The following WAC variants were observed in gnomAD, a reference collection of about 807,000 sequenced individuals.
WAC encodes the protein WW domain containing adaptor with coiled-coil, also known as WW domain-containing adapter protein with coiled-coil.
Under a neutral mutation model 79.6 loss-of-function variants are expected in WAC, and 11 were observed. The ratio of observed to expected loss-of-function variants is 0.14; its 90% CI spans 0.09 to 0.23. WAC has a LOEUF of 0.23. Among genes scored for constraint, WAC ranks in the 10% least tolerant of loss-of-function variants. The pLI, the probability that WAC is intolerant of heterozygous loss-of-function variation, is 1.00. For synonymous variants in WAC, 304 were observed against 276.9 expected, an observed-to-expected ratio of 1.10 and a Z score of -0.97; for missense variants, 728 against 773.5, an observed-to-expected ratio of 0.94 and a Z score of 0.70.
At chr10:28,555,257 CGTT>C (rs528101471) in intron 3 of WAC, among the ~76,000 whole-genome samples, 63 of 152,284 alleles carry the variant, frequency 4.1e-4, no homozygotes, top group African/African-American at 1.4e-3. Flanking sequence ...AGGCCCTACA[CGTT>C]GTTAACTCCT....
intron 4 of WAC, among the ~76,000 whole-genome samples, chr10:28,587,072 G>A (rs1306243888): frequency 6.6e-6 from 1 of 152,074 alleles, no homozygotes; most frequent in Non-Finnish European, 1.5e-5. Flanking sequence ...AACCAGCCTG[G>A]GCAGTATAAC....
At chr10:28,563,878 C>T (rs1263261863) in intron 3 of WAC, among the ~76,000 whole-genome samples, 2 of 150,470 alleles carry the variant, frequency 1.3e-5, no homozygotes, top group African/African-American at 4.9e-5. Context: ...GAATTAAAAG[C>T]GTGAGCCACT....
chr10:28,594,005 G>C (rs926310953), intron 6 of WAC, among the ~76,000 whole-genome samples: 1 of 152,058 alleles, frequency 6.6e-6, no homozygotes, highest in African/African-American at 2.4e-5. Context: ...CTCCTCACTA[G>C]ATGCCAGTAG....
chr10:28,569,724 T>C (rs574760554), intron 3 of WAC, among the ~76,000 whole-genome samples: 1 of 152,276 alleles, frequency 6.6e-6, no homozygotes, highest in African/African-American at 2.4e-5. Context: ...TGAAGAGATA[T>C]GTCTAGAGAT....
At chr10:28,534,272 C>G in intron 2 of WAC, 2 of 437,306 alleles carry the variant, frequency 4.6e-6, no homozygotes, top group Non-Finnish European at 8.0e-6. Flanking sequence ...AAAAAAGAAT[C>G]ATTTGCAGCC....
At chr10:28,600,500 AAGTT>A (rs1194398399) in intron 7 of WAC, among the ~76,000 whole-genome samples, 6 of 152,116 alleles carry the variant, frequency 3.9e-5, no homozygotes, top group Admixed American at 3.3e-4. Context: ...TATTCATGAA[AAGTT>A]AGAAAGATTG....
rs777991657 is a variant in WAC, at chr10:28,535,780, C to T, written c.274+23C>T. On this transcript the variant is annotated intron_variant, in intron 3 of 13. Coordinates refer to ENST00000354911, the MANE Select transcript of WAC (RefSeq NM_016628.5). ...GTGGTGAGTATCTTTCTTGTTGAAA[C>T]TTTGACATACAGTTTTAACAATAGC... 3.2e-6 allele frequency: 5 copies of T among 1,578,272 alleles called. 1 individual carries two copies. In the South Asian group the frequency reaches 5.7e-5, roughly 18 times the overall value.
intron 3 of WAC, among the ~76,000 whole-genome samples, chr10:28,539,708 G>A (rs985267755): frequency 3.3e-5 from 5 of 151,774 alleles, no homozygotes; most frequent in African/African-American, 9.7e-5. Context: ...ACAAACATAC[G>A]CCATCATGCC....
intron 7 of WAC, among the ~76,000 whole-genome samples, chr10:28,606,381 T>A (rs1234701920): frequency 6.6e-6 from 1 of 152,230 alleles, no homozygotes; most frequent in East Asian, 1.9e-4. Context: ...TTTATTTGAG[T>A]TTCTTTATGC....
chr10:28,607,100 T>A (rs201527160), intron 7 of WAC, among the ~76,000 whole-genome samples: 1 of 152,208 alleles, frequency 6.6e-6, no homozygotes, highest in East Asian at 1.9e-4. Context: ...ATTTTTCTAT[T>A]GGGCAGTTTG....
At chr10:28,541,583 T>C (rs928442017) in intron 3 of WAC, among the ~76,000 whole-genome samples, 3 of 152,008 alleles carry the variant, frequency 2.0e-5, no homozygotes, top group Admixed American at 6.6e-5. Flanking sequence ...AACAGTCCTT[T>C]TCAGGATTTG....
At chr10:28,562,959 G>A (rs1473757935) in intron 3 of WAC, among the ~76,000 whole-genome samples, 1 of 152,108 alleles carries the variant, frequency 6.6e-6, no homozygotes, top group Non-Finnish European at 1.5e-5. Context: ...ACAATTACTA[G>A]TGTGCAGCGG....
Position 28,533,171 on chromosome 10 carries a change from C to T in WAC, c.-409C>T. On this transcript the variant is annotated 5_prime_UTR_variant, in exon 1 of 14. Transcript: ENST00000354911. ...GCAGCGGCGGCACCAGCGGCGGCGG[C>T]GGCGGCGGGAGGAGGAGGAGGAGAA... 6.0e-6 allele frequency: 1 copy of T among 167,968 alleles called. No homozygotes were observed. Among genetic ancestry groups the T allele is most frequent in the Non-Finnish European group, 1.3e-5 (1 of 78,826 alleles). The allele number at this position is 167,968 out of a possible 1,614,324, so 10.4% of individuals were successfully genotyped here.
chr10:28,551,398 T>C (rs1289349366), intron 3 of WAC, among the ~76,000 whole-genome samples: 3 of 152,240 alleles, frequency 2.0e-5, no homozygotes, highest in Admixed American at 6.5e-5. Context: ...TTGTGCATTT[T>C]GACAGTAAAA....
intron 3 of WAC, among the ~76,000 whole-genome samples, chr10:28,539,641 C>T (rs1836893059): frequency 6.6e-6 from 1 of 151,806 alleles, no homozygotes; most frequent in Admixed American, 6.6e-5. Context: ...TCGCTGTAAC[C>T]TCTGCCTCCT....
At chr10:28,603,878 T>C (rs1329794189) in intron 7 of WAC, among the ~76,000 whole-genome samples, 2 of 145,596 alleles carry the variant, frequency 1.4e-5, no homozygotes, top group African/African-American at 5.1e-5. Context: ...ATCTTGCAGT[T>C]AGCTGAGATT....
intron 3 of WAC, among the ~76,000 whole-genome samples, chr10:28,556,507 T>G (rs182587531): frequency 6.6e-6 from 1 of 151,324 alleles, no homozygotes; most frequent in East Asian, 2.0e-4. Flanking sequence ...TTTTGTAGGT[T>G]GTTTTTTCGT....
chr10:28,549,997 T>C (rs974919616), intron 3 of WAC, among the ~76,000 whole-genome samples: 2 of 152,024 alleles, frequency 1.3e-5, no homozygotes, highest in Non-Finnish European at 1.5e-5. Flanking sequence ...AAACCCTATC[T>C]CTACTAAAAA....
chr10:28,533,658 G>C (rs562206871), intron 1 of WAC, 38 bp downstream of exon 1: 41 of 1,570,522 alleles, frequency 2.6e-5, no homozygotes, highest in East Asian at 7.1e-5. Context: ...GCGGCGGCGG[G>C]GGGCGGCGGC....
Sources: allele counts gnomAD v4.1 joint callset (sites outside exome capture counted in the v4.1 genomes callset), GRCh38; gene constraint gnomAD v4.1.1; transcripts MANE v1.5; gene names NCBI Gene and HGNC (gene_info 2026-07-23, HGNC 2026-07-21).